The following LRRIQ3 variants were observed in gnomAD, a reference collection of about 807,000 sequenced individuals.
LRRIQ3 encodes the protein leucine-rich repeat and IQ domain-containing protein 3.
LRRIQ3 carries 75 observed loss-of-function variants against 59.3 expected under a neutral mutation model. The observed-to-expected ratio is 1.26, with a 90% confidence interval of 1.05 to 1.53. The LOEUF (loss-of-function observed/expected upper bound fraction) is 1.53. LRRIQ3 is among the 40% of genes most tolerant of loss of function. LRRIQ3 has a pLI of 0.00. For missense variants in LRRIQ3, 831 were observed against 710.0 expected (o/e 1.17, Z -1.94); for synonymous variants, 250 against 231.3 (o/e 1.08, Z -0.73).
chr1:74,027,687 G>A (rs938139042), intron 7 of LRRIQ3, among the ~76,000 whole-genome samples: 17 of 151,962 alleles, frequency 1.1e-4, no homozygotes, highest in Non-Finnish European at 2.5e-4. Flanking sequence ...GCCAAACCGG[G>A]GAAATGTCAC....
chr1:74,079,239 C>A (rs1646245136), intron 5 of LRRIQ3, among the ~76,000 whole-genome samples: 1 of 151,714 alleles, frequency 6.6e-6, no homozygotes, highest in African/African-American at 2.4e-5. Context: ...AAATATGGCT[C>A]CTCACCACAC....
At chr1:74,125,732 T>C (rs1398534649) in intron 4 of LRRIQ3, among the ~76,000 whole-genome samples, 5 of 152,010 alleles carry the variant, frequency 3.3e-5, no homozygotes, top group Non-Finnish European at 5.9e-5. Flanking sequence ...CTCTTTTTAA[T>C]GTGTTGTTGA....
At chr1:74,082,162 A>G (rs1303671401) in intron 5 of LRRIQ3, 1 of 151,610 alleles carries the variant, frequency 6.6e-6, no homozygotes, top group Admixed American at 6.6e-5. Context: ...CTTTTTCAAA[A>G]TATTTCATAA....
At chr1:74,043,784 A>G (rs1287226837) in intron 6 of LRRIQ3, among the ~76,000 whole-genome samples, 1 of 152,134 alleles carries the variant, frequency 6.6e-6, no homozygotes, top group Non-Finnish European at 1.5e-5. Context: ...CAAAATCTTT[A>G]TGGCTTTCCA....
chr1:74,084,079 C>A, intron 5 of LRRIQ3: 2 of 1,190,312 alleles, frequency 1.7e-6, no homozygotes, highest in Middle Eastern at 2.0e-4. Flanking sequence ...CAGCTGATAT[C>A]CCTAGTGTCC....
At chr1:74,121,739 C>T (rs1385881727) in intron 4 of LRRIQ3, among the ~76,000 whole-genome samples, 1 of 111,628 alleles carries the variant, frequency 9.0e-6, no homozygotes, top group Non-Finnish European at 1.7e-5. Flanking sequence ...CCCCCTCCCC[C>T]CACCCCACAA....
At chr1:74,103,480 T>C (rs1170202357) in intron 5 of LRRIQ3, among the ~76,000 whole-genome samples, 2 of 152,026 alleles carry the variant, frequency 1.3e-5, no homozygotes, top group East Asian at 3.9e-4. Flanking sequence ...TTAGTTAAGC[T>C]AGAACAAATC....
At chr1:74,066,736 G>C (rs945278204) in intron 6 of LRRIQ3, among the ~76,000 whole-genome samples, 6 of 152,038 alleles carry the variant, frequency 3.9e-5, no homozygotes, top group Non-Finnish European at 5.9e-5. Flanking sequence ...TATTACTCAA[G>C]ATAATTAACA....
Position 74,041,609 on chromosome 1 carries a change from C to G in LRRIQ3, c.1322G>C (p.Arg441Thr). 1 of 1,613,800 alleles carries G rather than the reference C, an allele frequency of 6.2e-7. No individual in the cohort carries two copies. Among genetic ancestry groups the G allele is most frequent in the Non-Finnish European group, 8.5e-7 (1 of 1,179,872 alleles). ...KKQEYHKEKV[R>T]VVAMAQVARE... ...AGCAACTTGTGCCATGGCTACAACT[C>G]TTACTTTTTCTTTATGGTATTCCTG... is the stretch of plus-strand genomic sequence containing the variant. Residue 441 changes from arginine to threonine, a missense_variant, in exon 7 of 8, where the codon AGA (arginine) becomes ACA (threonine). By Grantham distance (71) the Arg-to-Thr change is moderately conservative (BLOSUM62 -1). Transcript: ENST00000354431.
At chr1:74,174,117 CTCTG>C (rs1394657907) in intron 3 of LRRIQ3, among the ~76,000 whole-genome samples, 2 of 150,672 alleles carry the variant, frequency 1.3e-5, no homozygotes, top group African/African-American at 5.0e-5. Context: ...CCTCTTTTCT[CTCTG>C]TCTCTCTTAA....
chr1:74,106,480 C>A (rs1646614998), intron 5 of LRRIQ3, among the ~76,000 whole-genome samples: 1 of 151,864 alleles, frequency 6.6e-6, no homozygotes, highest in Non-Finnish European at 1.5e-5. Flanking sequence ...ATCTCTCACA[C>A]TATATTCCTT....
chr1:74,120,643 C>T (rs1042845782), intron 4 of LRRIQ3, among the ~76,000 whole-genome samples: 2 of 151,800 alleles, frequency 1.3e-5, no homozygotes, highest in Admixed American at 1.3e-4. Context: ...ATTTTCTAAA[C>T]ATGTGGCCAG....
At chr1:74,046,475 A>AATGTAAG (rs1294603122) in intron 6 of LRRIQ3, among the ~76,000 whole-genome samples, 1 of 151,352 alleles carries the variant, frequency 6.6e-6, no homozygotes, top group Admixed American at 6.6e-5. Context: ...TAAAGACTTA[A>AATGTAAG]ACCTAAAGCC....
In LRRIQ3 at chr1:74,109,415, T is replaced by C; in HGVS notation, c.846A>G (p.Gly282=). 6.5e-7 allele frequency: 1 copy of C among 1,545,358 alleles called. No individual in the cohort carries two copies. The highest frequency in any genetic ancestry group is 8.8e-7 in the Non-Finnish European group (1 of 1,141,082). The part of the protein sequence containing the change: ...LFFKPETNIK[G]KLAYWKHNIY... ...TTACATGTTTCCAATATGCAAGCTT[T>C]CCTTTTATATTAGTTTCAGGTTTGA... The change falls in exon 5 of 8, where the codon GGA becomes GGG. Residue 282 remains glycine, a synonymous_variant. Coordinates refer to ENST00000354431, the MANE Select transcript of LRRIQ3 (RefSeq NM_001105659.2).
At chr1:74,043,648 T>C (rs1335454556) in intron 6 of LRRIQ3, among the ~76,000 whole-genome samples, 3 of 152,228 alleles carry the variant, frequency 2.0e-5, no homozygotes, top group Non-Finnish European at 1.5e-5. Context: ...ATTAACACTT[T>C]TAAAAGTCTC....
chr1:74,146,516 A>G (rs1363725527), intron 4 of LRRIQ3, among the ~76,000 whole-genome samples: 1 of 152,228 alleles, frequency 6.6e-6, no homozygotes, highest in Non-Finnish European at 1.5e-5. Flanking sequence ...TAATAATTAT[A>G]TCATGCCTAT....
chr1:74,062,439 CT>C (rs1315186968), intron 6 of LRRIQ3, among the ~76,000 whole-genome samples: 2 of 152,050 alleles, frequency 1.3e-5, no homozygotes, highest in African/African-American at 4.8e-5. Flanking sequence ...AAAGGGAAGG[CT>C]TATACACTGC....
At chr1:74,164,081 A>G (rs1412275040) in intron 3 of LRRIQ3, among the ~76,000 whole-genome samples, 1 of 151,018 alleles carries the variant, frequency 6.6e-6, no homozygotes, top group Non-Finnish European at 1.5e-5. Flanking sequence ...TCAATTTTTA[A>G]TTAGATTGTT....
chr1:74,073,073 T>A (rs1394925963), intron 6 of LRRIQ3, among the ~76,000 whole-genome samples: 1 of 152,158 alleles, frequency 6.6e-6, no homozygotes, highest in Admixed American at 6.6e-5. Context: ...TTAAATATTA[T>A]CAATGTTTTT....
Sources: allele counts gnomAD v4.1 joint callset (sites outside exome capture counted in the v4.1 genomes callset), GRCh38; gene constraint gnomAD v4.1.1; transcripts MANE v1.5; gene names NCBI Gene and HGNC (gene_info 2026-07-23, HGNC 2026-07-21).